Variants in XKR9 observed in about 807,000 individuals in gnomAD.
XKR9 encodes XK related 9, also known as XK-related protein 9.
Under a neutral mutation model 32.0 loss-of-function variants are expected in XKR9, and 32 were observed. That is an observed-to-expected ratio of 1.00 (90% CI 0.76 to 1.34). XKR9 has a LOEUF of 1.34. XKR9 is among the 40% of genes most tolerant of loss of function. The probability of loss-of-function intolerance (pLI) is 0.00; values close to 1 mark genes in which losing one functional copy is unlikely to be tolerated. For missense variants in XKR9, 546 were observed against 429.7 expected (o/e 1.27, Z -2.39); for synonymous variants, 168 against 143.4 (o/e 1.17, Z -1.22).
chr8:70,966,652 G>A, the XKR9 span, among the ~76,000 whole-genome samples: 26 of 152,262 alleles, frequency 1.7e-4, no homozygotes, highest in South Asian at 5.4e-3. Context: ...ATACAGAGCA[G>A]AGTTCAGGTC....
At chr8:70,754,553 G>T (rs1368468785) in intron 2 of XKR9, among the ~76,000 whole-genome samples, 2 of 103,314 alleles carry the variant, frequency 1.9e-5, no homozygotes, top group East Asian at 4.0e-4. Context: ...CATGGTACTG[G>T]TACCAAAACA....
chr8:70,707,746 C>T (rs1375863107), intron 4 of XKR9, among the ~76,000 whole-genome samples: 2 of 151,980 alleles, frequency 1.3e-5, no homozygotes. Flanking sequence ...TGCTAAAAAA[C>T]TAATGAATGT....
chr8:70,753,077 G>A (rs1189799996), intron 2 of XKR9, among the ~76,000 whole-genome samples: 4 of 152,168 alleles, frequency 2.6e-5, no homozygotes, highest in Non-Finnish European at 4.4e-5. Flanking sequence ...AAATGATAAA[G>A]GGGACATCAC....
chr8:70,740,653 G>T (rs1806956275), downstream of XKR9, among the ~76,000 whole-genome samples: 1 of 152,066 alleles, frequency 6.6e-6, no homozygotes, highest in South Asian at 2.1e-4. Context: ...TGGTGTGGAT[G>T]TCCTTTCTGT....
chr8:70,693,973 G>A (rs1805167092), intron 3 of XKR9, among the ~76,000 whole-genome samples: 1 of 152,188 alleles, frequency 6.6e-6, no homozygotes, highest in African/African-American at 2.4e-5. Context: ...GCTCTGGCAG[G>A]GGGTGGTTGG....
At chr8:70,880,325 G>C in the XKR9 span, among the ~76,000 whole-genome samples, 2 of 152,126 alleles carry the variant, frequency 1.3e-5, no homozygotes, top group African/African-American at 4.8e-5. Flanking sequence ...AAATGAGGAA[G>C]TCAAATTGTC....
intron 3 of XKR9, among the ~76,000 whole-genome samples, chr8:70,702,420 C>T (rs1453479104): frequency 6.6e-6 from 1 of 152,076 alleles, no homozygotes; most frequent in Non-Finnish European, 1.5e-5. Context: ...ACGTAATGTT[C>T]TATAAATGTC....
the XKR9 span, among the ~76,000 whole-genome samples, chr8:70,931,133 T>C: frequency 1.4e-5 from 2 of 144,678 alleles, no homozygotes; most frequent in Non-Finnish European, 3.0e-5. Flanking sequence ...GTTTGAAATC[T>C]GTTTCAAGCT....
chr8:70,771,387 G>A (rs1398949046), intron 2 of XKR9, among the ~76,000 whole-genome samples: 1 of 152,172 alleles, frequency 6.6e-6, no homozygotes, highest in Non-Finnish European at 1.5e-5. Flanking sequence ...TACAAAGCCT[G>A]ACTTTCAAGA....
the XKR9 span, among the ~76,000 whole-genome samples, chr8:70,994,747 GTTT>G: frequency 1.2e-3 from 148 of 126,886 alleles, 1 homozygote; most frequent in South Asian, 4.1e-3. Context: ...GTTATATTCT[GTTT>G]TTTTTTTTTT....
the XKR9 span, among the ~76,000 whole-genome samples, chr8:70,928,897 C>G: frequency 6.6e-6 from 1 of 152,146 alleles, no homozygotes; most frequent in African/African-American, 2.4e-5. Context: ...AGGGTGGAAA[C>G]AATCAGATTC....
chr8:70,872,759 C>T, the XKR9 span, among the ~76,000 whole-genome samples: 2 of 152,156 alleles, frequency 1.3e-5, no homozygotes, highest in Non-Finnish European at 2.9e-5. Context: ...CTCCCAGGTG[C>T]AAGCGATTCT....
intron 2 of XKR9, among the ~76,000 whole-genome samples, chr8:70,763,569 C>G (rs1807335362): frequency 6.6e-6 from 1 of 152,160 alleles, no homozygotes; most frequent in Admixed American, 6.5e-5. Flanking sequence ...TTTCCATAAA[C>G]AATGTATATA....
the XKR9 span, among the ~76,000 whole-genome samples, chr8:70,975,686 G>A: frequency 1.3e-5 from 2 of 152,164 alleles, no homozygotes; most frequent in East Asian, 3.8e-4. Flanking sequence ...GATGCCTCTA[G>A]CTTTGTCCTT....
intron 3 of XKR9, among the ~76,000 whole-genome samples, chr8:70,695,766 A>G (rs1329186437): frequency 2.0e-5 from 3 of 149,830 alleles, no homozygotes; most frequent in African/African-American, 7.3e-5. Flanking sequence ...GACTTCCACA[A>G]TGGTTGAACT....
At chr8:70,952,229 TG>T in the XKR9 span, among the ~76,000 whole-genome samples, 1 of 152,148 alleles carries the variant, frequency 6.6e-6, no homozygotes, top group Non-Finnish European at 1.5e-5. Context: ...CTACTCTTTT[TG>T]TTTATACAGT....
At chr8:70,757,548 C>CATGTATGTATGTATGTATGT (rs57117853) in intron 2 of XKR9, among the ~76,000 whole-genome samples, 1 of 150,232 alleles carries the variant, frequency 6.7e-6, no homozygotes, top group African/African-American at 2.5e-5. Flanking sequence ...CTTCTTTCAT[C>CATGTATGTATGTATGTATGT]ATGTATGTAT....
intron 2 of XKR9, among the ~76,000 whole-genome samples, chr8:70,745,958 G>A (rs573148604): frequency 1.3e-5 from 2 of 152,198 alleles, no homozygotes; most frequent in South Asian, 4.1e-4. Context: ...TTCTAGCTGA[G>A]CATTTGCACA....
At chr8:70,900,038 A>C in the XKR9 span, among the ~76,000 whole-genome samples, 1 of 151,986 alleles carries the variant, frequency 6.6e-6, no homozygotes, top group Admixed American at 6.5e-5. Flanking sequence ...TTCCACACTC[A>C]TTGCTTGACT....
Sources: gnomAD v4.1 joint callset for allele counts (sites outside exome capture counted in the v4.1 genomes callset) on GRCh38, gnomAD v4.1.1 for gene constraint, MANE v1.5 for transcripts, NCBI Gene and HGNC (gene_info 2026-07-23, HGNC 2026-07-21) for gene names.